SHANK2: variants seen among roughly 807,000 people sequenced by gnomAD.
SHANK2 encodes the protein SH3 and multiple ankyrin repeat domains protein 2.
Under a neutral mutation model 133.7 loss-of-function variants are expected in SHANK2, and 43 were observed. The ratio of observed to expected loss-of-function variants is 0.32; its 90% CI spans 0.25 to 0.41. SHANK2 has a LOEUF of 0.41. SHANK2 is among the 10% of genes least tolerant of loss of function. The pLI is 1.00. For synonymous variants in SHANK2, 1,017 were observed against 952.8 expected (o/e 1.07, Z -1.24); for missense variants, 1,994 against 2,235.8 (o/e 0.89, Z 2.18).
intron 15 of SHANK2, among the ~76,000 whole-genome samples, chr11:70,690,393 G>T (rs1555020659): frequency 6.7e-6 from 1 of 149,066 alleles, no homozygotes; most frequent in African/African-American, 2.5e-5. Flanking sequence ...TCATTGGGTT[G>T]TGATACTATT....
At chr11:70,834,838 G>A (rs1199822234) in intron 11 of SHANK2, among the ~76,000 whole-genome samples, 2 of 152,184 alleles carry the variant, frequency 1.3e-5, no homozygotes, top group Non-Finnish European at 2.9e-5. Flanking sequence ...GAAAATCGGG[G>A]TGAGGGCACT....
chr11:70,599,955 GA>G (rs1396403616), intron 17 of SHANK2, among the ~76,000 whole-genome samples: 2 of 131,766 alleles, frequency 1.5e-5, no homozygotes, highest in Non-Finnish European at 1.6e-5. Context: ...AAGAAAGAAA[GA>G]AAGAAAGAAA....
intron 2 of SHANK2, among the ~76,000 whole-genome samples, chr11:71,156,436 C>T (rs754687949): frequency 5.3e-5 from 8 of 152,152 alleles, no homozygotes; most frequent in Non-Finnish European, 1.0e-4. Context: ...CTGGTGTCAC[C>T]GTCTCCTGTC....
At chr11:70,886,044 G>A (rs1949738111) in intron 11 of SHANK2, among the ~76,000 whole-genome samples, 1 of 152,150 alleles carries the variant, frequency 6.6e-6, no homozygotes, top group South Asian at 2.1e-4. Context: ...GAACAACAGA[G>A]CTGGTTATGT....
At chr11:71,063,557 T>C (rs1951012974) in intron 9 of SHANK2, among the ~76,000 whole-genome samples, 1 of 152,062 alleles carries the variant, frequency 6.6e-6, no homozygotes, top group Non-Finnish European at 1.5e-5. Context: ...ACAGAGAAGG[T>C]TAATGTGAAA....
chr11:70,564,183 G>A (rs1229986406), intron 17 of SHANK2, among the ~76,000 whole-genome samples: 1 of 151,946 alleles, frequency 6.6e-6, no homozygotes, highest in Non-Finnish European at 1.5e-5. Context: ...TGAGCTGCTT[G>A]GGTGTGTGAG....
intron 9 of SHANK2, among the ~76,000 whole-genome samples, chr11:71,070,785 C>T (rs914638829): frequency 1.9e-4 from 29 of 152,350 alleles, no homozygotes; most frequent in Non-Finnish European, 3.1e-4. Context: ...GGAGTCCATG[C>T]GACACGCAAA....
intron 11 of SHANK2, among the ~76,000 whole-genome samples, chr11:70,893,543 T>C (rs1357494240): frequency 6.6e-6 from 1 of 152,246 alleles, no homozygotes; most frequent in Non-Finnish European, 1.5e-5. Context: ...CCTTCATCTC[T>C]CTCTGCGGGA....
chr11:71,125,308 C>T (rs1207827925), intron 3 of SHANK2, among the ~76,000 whole-genome samples: 23 of 152,154 alleles, frequency 1.5e-4, no homozygotes, highest in African/African-American at 5.5e-4. Flanking sequence ...GTGAGGCCTC[C>T]AGCACCAAAC....
At chr11:70,700,237 C>T (rs1248466468) in intron 14 of SHANK2, among the ~76,000 whole-genome samples, 8 of 152,208 alleles carry the variant, frequency 5.3e-5, no homozygotes, top group Non-Finnish European at 8.8e-5. Flanking sequence ...CCATCTCCAT[C>T]ATCGTCACTG....
chr11:71,074,287 C>T (rs902759357), intron 9 of SHANK2, among the ~76,000 whole-genome samples: 19 of 152,250 alleles, frequency 1.2e-4, no homozygotes, highest in Admixed American at 2.0e-4. Flanking sequence ...CTTAGAGACC[C>T]GGAGAACAGC....
intron 17 of SHANK2, among the ~76,000 whole-genome samples, chr11:70,613,909 C>T (rs545397414): frequency 6.6e-6 from 1 of 152,040 alleles, no homozygotes; most frequent in African/African-American, 2.4e-5. Flanking sequence ...GGATTACAGG[C>T]ACGCACCACC....
intron 11 of SHANK2, among the ~76,000 whole-genome samples, chr11:70,858,462 C>T (rs1202605840): frequency 6.6e-6 from 1 of 152,198 alleles, no homozygotes; most frequent in Non-Finnish European, 1.5e-5. Flanking sequence ...CCAGGCATGA[C>T]CTGCACACCC....
chr11:70,669,971 T>C (rs1044506900), intron 15 of SHANK2, among the ~76,000 whole-genome samples: 5 of 152,152 alleles, frequency 3.3e-5, no homozygotes, highest in South Asian at 2.1e-4. Flanking sequence ...GAAAGGTACA[T>C]TGAACATGGG....
intron 17 of SHANK2, among the ~76,000 whole-genome samples, chr11:70,555,554 C>T (rs1189596588): frequency 6.6e-6 from 1 of 152,106 alleles, no homozygotes; most frequent in Non-Finnish European, 1.5e-5. Flanking sequence ...GAGACCCCAT[C>T]TATATGAAAA....
chr11:70,541,973 T>C (rs2059627757), intron 17 of SHANK2, among the ~76,000 whole-genome samples: 1 of 152,168 alleles, frequency 6.6e-6, no homozygotes, highest in South Asian at 2.1e-4. Flanking sequence ...GCACACCCCG[T>C]GACAGTGGCT....
chr11:70,599,788 AAAG>A (rs1443324648), intron 17 of SHANK2, among the ~76,000 whole-genome samples: 3 of 149,704 alleles, frequency 2.0e-5, no homozygotes, highest in African/African-American at 7.4e-5. Flanking sequence ...TGAGATTCTG[AAAG>A]AAGAAAAGAA....
chr11:71,204,955 G>A (rs1427502960), intron 2 of SHANK2, among the ~76,000 whole-genome samples: 3 of 152,174 alleles, frequency 2.0e-5, no homozygotes, highest in African/African-American at 7.2e-5. Context: ...CAGCTAGCTC[G>A]GGTGATGTCA....
intron 10 of SHANK2, among the ~76,000 whole-genome samples, chr11:70,954,033 TAG>T (rs1424433139): frequency 6.6e-6 from 1 of 152,156 alleles, no homozygotes; most frequent in Non-Finnish European, 1.5e-5. Flanking sequence ...CATCAGCTCA[TAG>T]AAATTGCAAT....
Sources: allele counts gnomAD v4.1 joint callset (sites outside exome capture counted in the v4.1 genomes callset), GRCh38; gene constraint gnomAD v4.1.1; transcripts MANE v1.5; gene names NCBI Gene and HGNC (gene_info 2026-07-23, HGNC 2026-07-21).